ZNF385D: variants seen among roughly 807,000 people sequenced by gnomAD.
The protein encoded by ZNF385D is zinc finger protein 385D.
A neutral mutation model predicts 35.8 loss-of-function variants in ZNF385D; 15 were observed. The ratio of observed to expected loss-of-function variants is 0.42; its 90% CI spans 0.28 to 0.64. The LOEUF is 0.64. ZNF385D is among the 30% of genes least tolerant of loss of function. The pLI is 0.23. For missense variants in ZNF385D, 474 were observed against 494.6 expected (o/e 0.96, Z 0.39); for synonymous variants, 212 against 186.8 (o/e 1.13, Z -1.10).
intron 3 of ZNF385D, among the ~76,000 whole-genome samples, chr3:22,103,463 T>C (rs1185277984): frequency 6.6e-6 from 1 of 152,158 alleles, no homozygotes; most frequent in Non-Finnish European, 1.5e-5. Context: ...ATGATACTAT[T>C]TTACAATTTT....
chr3:21,965,149 G>A (rs2125327665), intron 3 of ZNF385D, among the ~76,000 whole-genome samples: 1 of 152,276 alleles, frequency 6.6e-6, no homozygotes, highest in East Asian at 1.9e-4. Flanking sequence ...TTGGAGCTTA[G>A]AATTGCAAAT....
chr3:22,323,346 A>G (rs1379956105), intron 2 of ZNF385D, among the ~76,000 whole-genome samples: 2 of 152,164 alleles, frequency 1.3e-5, no homozygotes, highest in African/African-American at 2.4e-5. Context: ...TCTGATGCTA[A>G]TAAGGCCCCA....
intron 1 of ZNF385D, 74 bp downstream of exon 1, chr3:21,750,821 A>T: frequency 8.1e-6 from 13 of 1,599,382 alleles, no homozygotes; most frequent in Non-Finnish European, 1.1e-5. Context: ...TGCTTAAAGA[A>T]TTTTTTAAGG....
chr3:21,933,849 G>C (rs1175380616), intron 3 of ZNF385D, among the ~76,000 whole-genome samples: 1 of 152,046 alleles, frequency 6.6e-6, no homozygotes, highest in Non-Finnish European at 1.5e-5. Flanking sequence ...CTTAGGTTTT[G>C]TTTTCTCAAG....
At chr3:21,789,069 A>G (rs1447698045) in intron 3 of ZNF385D, among the ~76,000 whole-genome samples, 2 of 152,346 alleles carry the variant, frequency 1.3e-5, no homozygotes, top group East Asian at 3.9e-4. Flanking sequence ...TTAAGACAAT[A>G]TTTAACTCCT....
intron 3 of ZNF385D, among the ~76,000 whole-genome samples, chr3:22,095,242 C>A (rs1701552619): frequency 6.6e-6 from 1 of 151,704 alleles, no homozygotes; most frequent in Non-Finnish European, 1.5e-5. Context: ...ATTCTTTATC[C>A]TTGAAATTAA....
At chr3:21,942,388 C>T (rs1012294694) in intron 3 of ZNF385D, among the ~76,000 whole-genome samples, 1 of 152,190 alleles carries the variant, frequency 6.6e-6, no homozygotes, top group East Asian at 1.9e-4. Flanking sequence ...TCCTTCCTTA[C>T]TATGACACAT....
intron 2 of ZNF385D, among the ~76,000 whole-genome samples, chr3:22,241,523 T>A (rs1418440384): frequency 6.6e-6 from 1 of 151,330 alleles, no homozygotes; most frequent in African/African-American, 2.4e-5. Context: ...GTGTATTCTG[T>A]ATAGACACTT....
At chr3:21,462,886 G>T (rs774612884) in intron 4 of ZNF385D, among the ~76,000 whole-genome samples, 1 of 152,132 alleles carries the variant, frequency 6.6e-6, no homozygotes, top group Non-Finnish European at 1.5e-5. Context: ...GGAAGTTGAG[G>T]CAGCAGAATC....
intron 4 of ZNF385D, among the ~76,000 whole-genome samples, chr3:21,503,687 A>C (rs1343108631): frequency 2.0e-5 from 3 of 152,118 alleles, no homozygotes; most frequent in Non-Finnish European, 4.4e-5. Flanking sequence ...AAATTGACTG[A>C]CCTTCCTATG....
At chr3:21,425,796 A>C (rs1330666421) in intron 5 of ZNF385D, 126 bp from the exon 6 acceptor site, 27 of 754,972 alleles carry the variant, frequency 3.6e-5, no homozygotes, top group Non-Finnish European at 4.8e-5. Flanking sequence ...CAATAACAAA[A>C]TCTGATGCCT....
At chr3:22,326,825 CA>C (rs1694701351) in intron 2 of ZNF385D, among the ~76,000 whole-genome samples, 1 of 152,148 alleles carries the variant, frequency 6.6e-6, no homozygotes, top group South Asian at 2.1e-4. Context: ...CGAACATTAC[CA>C]AAGCACCCCA....
At chr3:22,260,489 A>G (rs575979542) in intron 2 of ZNF385D, among the ~76,000 whole-genome samples, 1 of 152,122 alleles carries the variant, frequency 6.6e-6, no homozygotes, top group African/African-American at 2.4e-5. Flanking sequence ...CATTCTGCAC[A>G]TGTATCCCAG....
intron 3 of ZNF385D, chr3:22,134,261 A>G (rs1159818001): frequency 6.6e-6 from 1 of 152,174 alleles, no homozygotes; most frequent in Non-Finnish European, 1.5e-5. Flanking sequence ...CTGGAGTGTT[A>G]TATTAATATT....
At chr3:21,874,586 A>G (rs754583039) in intron 3 of ZNF385D, among the ~76,000 whole-genome samples, 90 of 152,058 alleles carry the variant, frequency 5.9e-4, no homozygotes, top group Non-Finnish European at 9.6e-4. Flanking sequence ...AAATGGCACC[A>G]TACTCTTTTG....
chr3:22,111,530 A>G (rs999978760), intron 3 of ZNF385D, among the ~76,000 whole-genome samples: 3 of 152,048 alleles, frequency 2.0e-5, no homozygotes, highest in Non-Finnish European at 2.9e-5. Flanking sequence ...GAAGTGATAG[A>G]AAACTGTTGG....
At chr3:22,003,667 G>A (rs1696001317) in intron 3 of ZNF385D, among the ~76,000 whole-genome samples, 1 of 152,042 alleles carries the variant, frequency 6.6e-6, no homozygotes, top group Admixed American at 6.6e-5. Context: ...AGGTGTTCGA[G>A]ACCAGCTGGG....
In ZNF385D at chr3:22,130,766, C is replaced by G. The variant is rs559257029; in HGVS notation, c.325+38051G>C. 2.3e-3 allele frequency among the ~76,000 whole-genome samples: 350 copies of G among 152,246 alleles called. 3 individuals carry two copies. The highest frequency in any genetic ancestry group is 3.4e-3 in the Non-Finnish European group (232 of 68,022). On this transcript the variant is annotated intron_variant, in intron 3 of 5. Transcript: ENST00000494108. ...TTCTTTCCTTGATATGATGTTAGAA[C>G]TGGGTACCATGATTGCTCACCAGAT...
At chr3:21,725,938 G>A (rs1310301016) in intron 1 of ZNF385D, among the ~76,000 whole-genome samples, 1 of 152,104 alleles carries the variant, frequency 6.6e-6, no homozygotes, top group Non-Finnish European at 1.5e-5. Context: ...ATAAAATACT[G>A]GCAAACCAAA....
Sources: gnomAD v4.1 joint callset for allele counts (sites outside exome capture counted in the v4.1 genomes callset) on GRCh38, gnomAD v4.1.1 for gene constraint, MANE v1.5 for transcripts, NCBI Gene and HGNC (gene_info 2026-07-23, HGNC 2026-07-21) for gene names.